SLC2A2: variants seen among roughly 807,000 people sequenced by gnomAD.
SLC2A2 encodes solute carrier family 2, facilitated glucose transporter member 2.
Under a neutral mutation model 54.5 loss-of-function variants are expected in SLC2A2, and 36 were observed. The ratio of observed to expected loss-of-function variants is 0.66; its 90% CI spans 0.51 to 0.87. SLC2A2 has a LOEUF of 0.87. SLC2A2 is among the 40% of genes least tolerant of loss of function. The pLI is 0.00. For missense variants in SLC2A2, 543 were observed against 624.3 expected, an observed-to-expected ratio of 0.87 and a Z score of 1.39; for synonymous variants, 223 against 219.1, an observed-to-expected ratio of 1.02 and a Z score of -0.16.
At chr3:171,015,476 A>T (rs1716104191) in intron 2 of SLC2A2, among the ~76,000 whole-genome samples, 1 of 152,122 alleles carries the variant, frequency 6.6e-6, no homozygotes. Flanking sequence ...TGTCTCAAAA[A>T]ATATATATAT....
At chr3:170,998,567 A>G (rs537750373) in intron 9 of SLC2A2, among the ~76,000 whole-genome samples, 171 bp from the exon 10 acceptor site, 2 of 152,174 alleles carry the variant, frequency 1.3e-5, no homozygotes, top group Non-Finnish European at 2.9e-5. Flanking sequence ...TGAATCATGC[A>G]TAACTCTTTA....
chr3:171,021,943 T>C lies in SLC2A2; in HGVS notation c.16-3320A>G, dbSNP rs1299776594. On this transcript the variant is annotated intron_variant, in intron 1 of 10. Transcript: ENST00000314251. ...AGTAGCTGGGAAAGTTCTTCCCTTTTGAGAATTCATAGGATTAGATTTGAC... is the reference window on the plus strand; with the variant it reads ...AGTAGCTGGGAAAGTTCTTCCCTTTCGAGAATTCATAGGATTAGATTTGAC... 6.6e-5 allele frequency among the ~76,000 whole-genome samples: 10 copies of C among 152,246 alleles called. No homozygotes were observed. In the East Asian group the frequency reaches 1.9e-3, roughly 29 times the overall value.
At chr3:171,014,799 G>C (rs1288004102) in intron 2 of SLC2A2, 68 bp from the exon 3 acceptor site, 7 of 1,323,328 alleles carry the variant, frequency 5.3e-6, no homozygotes, top group Non-Finnish European at 7.6e-6. Context: ...TGTCTTTAAA[G>C]TGTTTGTTAC....
At chr3:171,019,355 G>A (rs149395687) in intron 1 of SLC2A2, among the ~76,000 whole-genome samples, 19 of 151,576 alleles carry the variant, frequency 1.3e-4, no homozygotes, top group African/African-American at 2.7e-4. Flanking sequence ...ATCATGTTCC[G>A]CATCAACATC....
At chr3:171,005,872 G>A (rs1715573202) in intron 6 of SLC2A2, 71 bp downstream of exon 6, 1 of 1,430,974 alleles carries the variant, frequency 7.0e-7, no homozygotes. Context: ...ACTTCATGTG[G>A]AAAGCACTGT....
At chr3:171,012,596 G>A (rs1269687887) in intron 3 of SLC2A2, among the ~76,000 whole-genome samples, 1 of 151,910 alleles carries the variant, frequency 6.6e-6, no homozygotes, top group East Asian at 1.9e-4. Context: ...ACAATTGCAA[G>A]GAAACACTTT....
intron 3 of SLC2A2, among the ~76,000 whole-genome samples, chr3:171,014,098 T>TTGGTGAAGCAAACAATGGACTCCCA (rs1716014440): frequency 6.6e-6 from 1 of 152,196 alleles, no homozygotes; most frequent in Admixed American, 6.5e-5. Context: ...ATAGTGTGAT[T>TTGGTGAAGCAAACAATGGACTCCCA]TGGTGAAGCA....
intron 4 of SLC2A2, among the ~76,000 whole-genome samples, chr3:171,009,113 G>C (rs773172211): frequency 6.6e-6 from 1 of 152,042 alleles, no homozygotes; most frequent in Non-Finnish European, 1.5e-5. Flanking sequence ...TCTCAACCTA[G>C]CACCGTCAAA....
chr3:170,998,083 C>T lies in SLC2A2; in HGVS notation c.1395G>A (p.Val465=). 6.2e-7 allele frequency: 1 copy of T among 1,613,594 alleles called. No individual in the cohort carries two copies. Among genetic ancestry groups the T allele is most frequent in the Non-Finnish European group, 8.5e-7 (1 of 1,179,754 alleles). ...GGAGCACTCCAGCAAAGAGGAAAAA[C>T]ACATAAGGTCCACAGAAGTCCTGGA... is the stretch of plus-strand genomic sequence containing the variant. The part of the protein sequence containing the change: ...QYIADFCGPY[V]FFLFAGVLLA... Residue 465 remains valine, a synonymous_variant, in exon 11 of 11, where the codon GTG becomes GTA. Coordinates refer to ENST00000314251, the MANE Select transcript of SLC2A2 (RefSeq NM_000340.2).
intron 1 of SLC2A2, among the ~76,000 whole-genome samples, chr3:171,019,097 G>GTATATATA (rs775019312): frequency 4.5e-4 from 9 of 20,162 alleles, no homozygotes; most frequent in East Asian, 5.3e-3. Context: ...GTGTGTGTGT[G>GTATATATA]TATATATATA....
chr3:171,004,535 C>T (rs902465353), intron 7 of SLC2A2, among the ~76,000 whole-genome samples: 9 of 151,804 alleles, frequency 5.9e-5, no homozygotes, highest in Non-Finnish European at 8.8e-5. Context: ...GGCATTGGCT[C>T]ACTACAGCAA....
At chr3:171,019,097 G>GTA (rs775019312) in intron 1 of SLC2A2, among the ~76,000 whole-genome samples, 5,161 of 19,478 alleles carry the variant, frequency 0.26, 226 homozygotes, top group Non-Finnish European at 0.28. Flanking sequence ...GTGTGTGTGT[G>GTA]TATATATATA....
chr3:171,025,400 ATTG>A (rs1716644962), intron 1 of SLC2A2, among the ~76,000 whole-genome samples: 1 of 151,566 alleles, frequency 6.6e-6, no homozygotes, highest in Admixed American at 6.6e-5. Context: ...TAACATTAAA[ATTG>A]TTGTCTAAGC....
At chr3:171,001,489 A>G (rs2108237440) in intron 8 of SLC2A2, among the ~76,000 whole-genome samples, 1 of 152,130 alleles carries the variant, frequency 6.6e-6, no homozygotes, top group African/African-American at 2.4e-5. Flanking sequence ...GTCTGGACAA[A>G]CCTGCCTTTT....
chr3:171,026,553 G>A (rs1425011051), intron 1 of SLC2A2, 103 bp downstream of exon 1: 9 of 903,594 alleles, frequency 1.0e-5, no homozygotes, highest in Non-Finnish European at 1.5e-5. Context: ...TTTGATCTGT[G>A]GTAGCTACAC....
In SLC2A2 at chr3:170,996,516, C is replaced by T; in HGVS notation, c.*1387G>A. 1 of 397,074 alleles carries T rather than the reference C, an allele frequency of 2.5e-6. No homozygotes were observed. The highest frequency in any genetic ancestry group is 4.4e-6 in the Non-Finnish European group (1 of 225,022). 24.6% of individuals were successfully genotyped at this position (397,074 alleles called of 1,614,324 possible). A position where few individuals can be genotyped will look rare whatever the true frequency, so the allele number is the denominator to read the frequency against. On this transcript the variant is annotated 3_prime_UTR_variant, in exon 11 of 11. Transcript: ENST00000314251. ...TAAAGCAAACATAAGAAGGATTGAT[C>T]AGTGCTCCAGTTGGTGGAGAAAACA...
In SLC2A2 at chr3:171,010,198, G is replaced by A. The variant is rs924880914; in HGVS notation, c.372-116C>T. On this transcript the variant is annotated intron_variant, in intron 3 of 10. Coordinates refer to ENST00000314251, the MANE Select transcript of SLC2A2 (RefSeq NM_000340.2). The stretch of plus-strand genomic sequence containing the variant: ...TAAGAGCAATTATTTTAATTTTGCT[G>A]TAAAAGCTAGTTGGGGAATCTTGAA... The A allele has an allele frequency of 9.3e-6, 10 of 1,077,138 alleles. No individual in the cohort carries two copies. The East Asian group carries it at 9.9e-5, about 11-fold the overall frequency. 66.7% of individuals were successfully genotyped at this position (1,077,138 alleles called of 1,614,324 possible).
intron 2 of SLC2A2, among the ~76,000 whole-genome samples, chr3:171,016,102 G>C (rs773639279): frequency 2.6e-5 from 4 of 152,108 alleles, no homozygotes; most frequent in Non-Finnish European, 4.4e-5. Context: ...TGAGGGAGGG[G>C]AAGAATTGAG....
intron 1 of SLC2A2, among the ~76,000 whole-genome samples, chr3:171,023,399 C>T (rs955517545): frequency 6.6e-6 from 1 of 152,096 alleles, no homozygotes; most frequent in Non-Finnish European, 1.5e-5. Context: ...TAAAATGGCT[C>T]CCACTCCTTC....
Sources: allele counts gnomAD v4.1 joint callset (sites outside exome capture counted in the v4.1 genomes callset), GRCh38; gene constraint gnomAD v4.1.1; transcripts MANE v1.5; gene names NCBI Gene and HGNC (gene_info 2026-07-23, HGNC 2026-07-21).